Variants in DPP6 observed in about 807,000 individuals in gnomAD.
DPP6 encodes the protein A-type potassium channel modulatory protein DPP6.
In DPP6, 69 loss-of-function variants were observed where a neutral mutation model predicts 122.6. That is an observed-to-expected ratio of 0.56 (90% CI 0.46 to 0.69). The LOEUF is 0.69. Ranked by LOEUF, DPP6 falls within the 30% of genes least tolerant of loss-of-function variation. The pLI is 0.00. For missense variants in DPP6, 928 were observed against 1,116.9 expected, an observed-to-expected ratio of 0.83 and a Z score of 2.41; for synonymous variants, 418 against 433.1, an observed-to-expected ratio of 0.97 and a Z score of 0.43.
At chr7:154,645,063 T>G (rs1325097488) in intron 6 of DPP6, among the ~76,000 whole-genome samples, 13 of 106,238 alleles carry the variant, frequency 1.2e-4, no homozygotes, top group African/African-American at 3.3e-4. Context: ...ATTTGTTGGT[T>G]TTTTTTTTTT....
chr7:154,399,498 A>C (rs1815382026), intron 1 of DPP6, among the ~76,000 whole-genome samples: 1 of 152,226 alleles, frequency 6.6e-6, no homozygotes, highest in Non-Finnish European at 1.5e-5. Flanking sequence ...GAAATGAGGC[A>C]GTCATATATG....
intron 1 of DPP6, among the ~76,000 whole-genome samples, chr7:154,284,616 A>G (rs1804733497): frequency 6.6e-6 from 1 of 152,236 alleles, no homozygotes; most frequent in Non-Finnish European, 1.5e-5. Flanking sequence ...GCACTTTGGG[A>G]GGCCGAGACA....
chr7:154,654,118 G>T, intron 6 of DPP6, among the ~76,000 whole-genome samples: 1 of 152,120 alleles, frequency 6.6e-6, no homozygotes, highest in East Asian at 1.9e-4. Context: ...TCTAGAGGTG[G>T]CTTAAAGGAT....
At chr7:154,242,381 A>AGTGTGTGTGTGTGTGTGT (rs139152037) in intron 1 of DPP6, among the ~76,000 whole-genome samples, 4,945 of 150,254 alleles carry the variant, frequency 0.033, 92 homozygotes, top group East Asian at 0.059. Context: ...AGAGGCAATG[A>AGTGTGTGTGTGTGTGTGT]GTGTGTGTGT....
the DPP6 span, among the ~76,000 whole-genome samples, chr7:153,830,235 C>T: frequency 1.3e-5 from 2 of 152,106 alleles, no homozygotes; most frequent in Admixed American, 6.5e-5. Context: ...CATTGTTAGC[C>T]AAAAAGCCCT....
chr7:154,371,048 T>C (rs748116601), intron 1 of DPP6, among the ~76,000 whole-genome samples: 1 of 152,126 alleles, frequency 6.6e-6, no homozygotes, highest in Non-Finnish European at 1.5e-5. Flanking sequence ...GGTTTTAGCT[T>C]TCTGCCAAAA....
chr7:153,865,319 T>C, the DPP6 span, among the ~76,000 whole-genome samples: 1 of 152,176 alleles, frequency 6.6e-6, no homozygotes, highest in South Asian at 2.1e-4. Context: ...AGATATTTTT[T>C]GTTGATATTG....
At chr7:154,813,862 T>C (rs1035111750) in intron 16 of DPP6, among the ~76,000 whole-genome samples, 4 of 149,080 alleles carry the variant, frequency 2.7e-5, no homozygotes, top group Non-Finnish European at 5.9e-5. Flanking sequence ...TCTTTACAAT[T>C]TGAAAAGCAC....
chr7:154,110,979 A>G (rs1806528542), intron 1 of DPP6, among the ~76,000 whole-genome samples: 1 of 152,152 alleles, frequency 6.6e-6, no homozygotes, highest in Non-Finnish European at 1.5e-5. Context: ...GTAAGGCAGG[A>G]CAAACCAAAG....
intron 18 of DPP6, among the ~76,000 whole-genome samples, chr7:154,869,069 A>G (rs905532468): frequency 4.6e-5 from 7 of 152,274 alleles, no homozygotes; most frequent in Non-Finnish European, 8.8e-5. Flanking sequence ...GTTGAAAGGG[A>G]AGGTTTCCAG....
intron 1 of DPP6, among the ~76,000 whole-genome samples, chr7:154,263,368 G>C (rs1221747047): frequency 6.6e-6 from 1 of 152,174 alleles, no homozygotes; most frequent in Non-Finnish European, 1.5e-5. Flanking sequence ...GAACAGGTTA[G>C]CTTCTGTTTA....
At chr7:154,490,323 GCTCTCTCA>G (rs2151386203) in intron 3 of DPP6, among the ~76,000 whole-genome samples, 1 of 152,176 alleles carries the variant, frequency 6.6e-6, no homozygotes, top group Admixed American at 6.5e-5. Flanking sequence ...GCTCCCTCGT[GCTCTCTCA>G]AGATCAGCCC....
At chr7:154,728,460 A>T (rs992157300) in intron 8 of DPP6, among the ~76,000 whole-genome samples, 3 of 152,180 alleles carry the variant, frequency 2.0e-5, no homozygotes, top group Non-Finnish European at 2.9e-5. Flanking sequence ...TAGAAGTCAG[A>T]GGGGGAAGCT....
At chr7:154,008,779 A>G (rs1198863264) in intron 1 of DPP6, among the ~76,000 whole-genome samples, 1 of 146,868 alleles carries the variant, frequency 6.8e-6, no homozygotes, top group Non-Finnish European at 1.5e-5. Context: ...CTCCTGCCTC[A>G]GCCTCCCGAG....
At chr7:154,252,686 G>C (rs1802427481) in intron 1 of DPP6, among the ~76,000 whole-genome samples, 1 of 152,188 alleles carries the variant, frequency 6.6e-6, no homozygotes, top group South Asian at 2.1e-4. Context: ...AACTACATGA[G>C]AGACTTAGAT....
intron 7 of DPP6, among the ~76,000 whole-genome samples, chr7:154,714,836 A>G (rs1446310311): frequency 6.6e-6 from 1 of 152,180 alleles, no homozygotes; most frequent in Non-Finnish European, 1.5e-5. Flanking sequence ...AATGTCATGT[A>G]TTTTGTAAAT....
chr7:154,511,898 T>C (rs1826120444), intron 3 of DPP6, among the ~76,000 whole-genome samples: 1 of 152,250 alleles, frequency 6.6e-6, no homozygotes, highest in Admixed American at 6.5e-5. Context: ...TAGAATTTGT[T>C]AAAACATTTA....
chr7:154,492,123 G>A (rs1824329292), intron 3 of DPP6, among the ~76,000 whole-genome samples: 1 of 152,136 alleles, frequency 6.6e-6, no homozygotes, highest in Non-Finnish European at 1.5e-5. Context: ...GGATCACAAA[G>A]GCAAATAAGA....
At chr7:154,194,221 C>T (rs1798751825) in intron 1 of DPP6, among the ~76,000 whole-genome samples, 1 of 152,112 alleles carries the variant, frequency 6.6e-6, no homozygotes, top group Admixed American at 6.5e-5. Flanking sequence ...GTAAGGGCAG[C>T]TTATGGGTGT....
Sources: allele counts gnomAD v4.1 joint callset (sites outside exome capture counted in the v4.1 genomes callset), GRCh38; gene constraint gnomAD v4.1.1; transcripts MANE v1.5; gene names NCBI Gene and HGNC (gene_info 2026-07-23, HGNC 2026-07-21).